FAM171A1: variants seen among roughly 807,000 people sequenced by gnomAD.
FAM171A1 encodes the protein protein FAM171A1.
In FAM171A1, 23 loss-of-function variants were observed where a neutral mutation model predicts 74.9. The ratio of observed to expected loss-of-function variants is 0.31; its 90% CI spans 0.22 to 0.44. FAM171A1 has a LOEUF of 0.44. Among genes scored for constraint, FAM171A1 ranks in the 20% least tolerant of loss-of-function variants. FAM171A1 has a pLI of 1.00. For synonymous variants in FAM171A1, 527 were observed against 505.7 expected (o/e 1.04, Z -0.57); for missense variants, 1,162 against 1,159.2 (o/e 1.00, Z -0.03).
At chr10:15,305,140 G>C (rs907102968) in intron 1 of FAM171A1, among the ~76,000 whole-genome samples, 2 of 152,182 alleles carry the variant, frequency 1.3e-5, no homozygotes, top group Non-Finnish European at 2.9e-5. Flanking sequence ...GATGACTCAA[G>C]GTTTTCCCGG....
At chr10:15,227,332 A>G (rs759734874) in intron 5 of FAM171A1, among the ~76,000 whole-genome samples, 32 of 151,990 alleles carry the variant, frequency 2.1e-4, no homozygotes, top group Non-Finnish European at 4.1e-4. Context: ...CAAGTTCAGT[A>G]TTGTTTTCTT....
intron 1 of FAM171A1, among the ~76,000 whole-genome samples, chr10:15,309,343 G>A (rs1835332636): frequency 6.6e-6 from 1 of 152,180 alleles, no homozygotes. Flanking sequence ...GAGTAGCTGG[G>A]ACTATAGGCA....
chr10:15,229,799 C>CAGGCGTTTCCAGATCCCTGA (rs1564616889), intron 5 of FAM171A1, among the ~76,000 whole-genome samples: 1 of 18,180 alleles, frequency 5.5e-5, no homozygotes, highest in African/African-American at 3.3e-4. Context: ...CCATCACCAT[C>CAGGCGTTTCCAGATCCCTGA]ATCACCATCA....
chr10:15,370,717 C>G (rs966143835), intron 1 of FAM171A1, among the ~76,000 whole-genome samples: 2 of 150,220 alleles, frequency 1.3e-5, no homozygotes, highest in African/African-American at 4.9e-5. Flanking sequence ...CGCCCCCGCC[C>G]GACCCAGCCC....
intron 1 of FAM171A1, among the ~76,000 whole-genome samples, chr10:15,306,323 C>A (rs1341065434): frequency 6.6e-6 from 1 of 151,594 alleles, no homozygotes; most frequent in African/African-American, 2.4e-5. Flanking sequence ...ACATCATTGT[C>A]ATCAATATCA....
chr10:15,302,394 G>A (rs187403622), intron 1 of FAM171A1, among the ~76,000 whole-genome samples: 240 of 152,134 alleles, frequency 1.6e-3, no homozygotes, highest in Non-Finnish European at 2.6e-3. Context: ...GAACACAGGA[G>A]GCGGAGGTCG....
chr10:15,224,479 CCT>C (rs1834079608), intron 5 of FAM171A1, among the ~76,000 whole-genome samples: 2 of 152,222 alleles, frequency 1.3e-5, no homozygotes, highest in Admixed American at 1.3e-4. Flanking sequence ...CTCTTCTACC[CCT>C]GATAGGGTTT....
chr10:15,285,282 T>C (rs1003633751), intron 1 of FAM171A1, among the ~76,000 whole-genome samples: 2 of 152,022 alleles, frequency 1.3e-5, no homozygotes, highest in East Asian at 1.9e-4. Context: ...GTGAGAGGCG[T>C]AGGAGGCTGG....
chr10:15,357,852 C>T (rs1354665730), intron 1 of FAM171A1, among the ~76,000 whole-genome samples: 1 of 152,148 alleles, frequency 6.6e-6, no homozygotes, highest in Non-Finnish European at 1.5e-5. Context: ...TTTTCCGTTT[C>T]TTTGTATGAC....
intron 1 of FAM171A1, among the ~76,000 whole-genome samples, chr10:15,287,413 G>A (rs1196776143): frequency 2.2e-5 from 3 of 135,046 alleles, no homozygotes; most frequent in Non-Finnish European, 4.7e-5. Context: ...TTTTTAGACA[G>A]AGTTTCGCTC....
In FAM171A1 at chr10:15,212,889, CCACA is replaced by C. The variant is rs765058873; in HGVS notation, c.*22_*25del. ...AAAGGATATTTGGCAATTTTATATTCCACAGTCAGGTGGGTCTGCGATAGCTCAT... is the reference window on the plus strand; with the variant it reads ...AAAGGATATTTGGCAATTTTATATTCGTCAGGTGGGTCTGCGATAGCTCAT... On this transcript the variant is annotated 3_prime_UTR_variant, in exon 8 of 8. Coordinates refer to ENST00000378116, the MANE Select transcript of FAM171A1 (RefSeq NM_001010924.2). The C allele has an allele frequency of 1.1e-5, 18 of 1,606,804 alleles. No individual in the cohort carries two copies. The African/African-American group carries it at 2.3e-4, about 20-fold the overall frequency.
rs1833901859 is a variant in FAM171A1, at chr10:15,212,472, C to T, written c.*443G>A. On this transcript the variant is annotated 3_prime_UTR_variant, in exon 8 of 8. Transcript: ENST00000378116. The stretch of plus-strand genomic sequence containing the variant: ...AGCTTTCCTTTGAGAGAACGCATAC[C>T]TTGAGACGCTACGTGCCAACCTAAG... The T allele has an allele frequency of 5.7e-6, 1 of 176,244 alleles. No individual in the cohort carries two copies. The allele number at this position is 176,244 out of a possible 1,614,324, so 10.9% of individuals were successfully genotyped here.
At chr10:15,246,405 T>C (rs1834435698) in intron 5 of FAM171A1, among the ~76,000 whole-genome samples, 1 of 152,214 alleles carries the variant, frequency 6.6e-6, no homozygotes, top group Admixed American at 6.5e-5. Context: ...TTCCTAGAAC[T>C]CTGTTTTAAC....
intron 3 of FAM171A1, among the ~76,000 whole-genome samples, chr10:15,265,838 G>C (rs1347666915): frequency 6.6e-6 from 1 of 152,048 alleles, no homozygotes; most frequent in Non-Finnish European, 1.5e-5. Context: ...GTAGGAAAGG[G>C]GGGTATCATG....
intron 1 of FAM171A1, among the ~76,000 whole-genome samples, chr10:15,358,453 A>G (rs1422265507): frequency 3.9e-5 from 6 of 152,202 alleles, no homozygotes; most frequent in Non-Finnish European, 8.8e-5. Flanking sequence ...TTTTACACGT[A>G]ACCTCATCTT....
chr10:15,236,019 G>A (rs777500790), intron 5 of FAM171A1, among the ~76,000 whole-genome samples: 9 of 152,136 alleles, frequency 5.9e-5, no homozygotes, highest in Non-Finnish European at 1.3e-4. Flanking sequence ...CACACTAGAC[G>A]AACACTCGCT....
At chr10:15,319,280 T>A (rs1351906298) in intron 1 of FAM171A1, among the ~76,000 whole-genome samples, 1 of 151,998 alleles carries the variant, frequency 6.6e-6, no homozygotes, top group Non-Finnish European at 1.5e-5. Flanking sequence ...AAATGATACG[T>A]CTCCTTCCCC....
intron 5 of FAM171A1, among the ~76,000 whole-genome samples, chr10:15,233,110 C>T (rs1201717701): frequency 4.6e-5 from 7 of 151,904 alleles, no homozygotes; most frequent in Middle Eastern, 3.4e-3. Context: ...CTGGCTAACA[C>T]GGTGAAACCC....
At chr10:15,372,087 A>G (rs1298252216), upstream of FAM171A1, among the ~76,000 whole-genome samples, 1 of 152,144 alleles carries the variant, frequency 6.6e-6, no homozygotes, top group Non-Finnish European at 1.5e-5. Flanking sequence ...CTGATCAGAT[A>G]TCCAGGGTGG....
Sources: gnomAD v4.1 joint callset for allele counts (sites outside exome capture counted in the v4.1 genomes callset) on GRCh38, gnomAD v4.1.1 for gene constraint, MANE v1.5 for transcripts, NCBI Gene and HGNC (gene_info 2026-07-23, HGNC 2026-07-21) for gene names.